TBC1D21: variants seen among roughly 807,000 people sequenced by gnomAD.
The protein encoded by TBC1D21 is male germ cell Rab GTPase-activating protein.
TBC1D21 carries 38 observed loss-of-function variants against 46.0 expected under a neutral mutation model. The observed-to-expected ratio is 0.83, with a 90% CI of 0.64 to 1.08. The LOEUF is 1.08. Ranked by LOEUF, TBC1D21 falls within the 50% of genes least tolerant of loss-of-function variation. The pLI is 0.00. For synonymous variants in TBC1D21, 151 were observed against 157.2 expected (o/e 0.96, Z 0.29); for missense variants, 415 against 417.9 (o/e 0.99, Z 0.06).
chr15:73,898,880 A>AAAAAAATATATAT, the TBC1D21 span, among the ~76,000 whole-genome samples: 10 of 56,776 alleles, frequency 1.8e-4, no homozygotes, highest in Non-Finnish European at 3.0e-4. Flanking sequence ...AAAAAAAAAA[A>AAAAAAATATATAT]ATATATATAT....
downstream of TBC1D21, among the ~76,000 whole-genome samples, chr15:73,894,185 TG>T (rs1176990141): frequency 6.6e-6 from 1 of 152,184 alleles, no homozygotes; most frequent in Non-Finnish European, 1.5e-5. Flanking sequence ...TATTGGCTCT[TG>T]GGCAGCTTCC....
At chr15:73,877,165 A>G (rs1595817906) in intron 1 of TBC1D21, among the ~76,000 whole-genome samples, 1 of 152,190 alleles carries the variant, frequency 6.6e-6, no homozygotes, top group South Asian at 2.1e-4. Context: ...TTGCTTTTTA[A>G]TGTTTACAGC....
chr15:73,889,818 C>T (rs1478407290), downstream of TBC1D21, among the ~76,000 whole-genome samples: 1 of 152,252 alleles, frequency 6.6e-6, no homozygotes, highest in African/African-American at 2.4e-5. Context: ...CAGTCAGTTG[C>T]TCTGTGAGGA....
intron 9 of TBC1D21, among the ~76,000 whole-genome samples, chr15:73,888,010 C>T (rs781703956): frequency 2.5e-4 from 38 of 152,350 alleles, no homozygotes; most frequent in Non-Finnish European, 4.7e-4. Flanking sequence ...GCCTTGAACA[C>T]TCCCTAACTA....
intron 1 of TBC1D21, among the ~76,000 whole-genome samples, chr15:73,879,551 G>A (rs1209972815): frequency 1.3e-5 from 2 of 151,992 alleles, no homozygotes; most frequent in African/African-American, 4.8e-5. Context: ...TACTCATGTG[G>A]TTTGTGGACT....
intron 1 of TBC1D21, among the ~76,000 whole-genome samples, chr15:73,874,484 C>G (rs2141539747): frequency 6.6e-6 from 1 of 152,334 alleles, no homozygotes; most frequent in South Asian, 2.1e-4. Context: ...CATTCATTCT[C>G]ATCACAACTC....
Position 73,888,468 on chromosome 15 carries a change from G to A in TBC1D21, c.933G>A (p.Leu311=). The part of the protein sequence containing the change: ...NNLIDLDADE[L]ISAACVVYAE... Reference sequence around the variant, plus strand: ...TCATCGACCTTGATGCTGATGAGCTGATCTCTGCCGCCTGCGTGGTTTATG... The same window carrying A: ...TCATCGACCTTGATGCTGATGAGCTAATCTCTGCCGCCTGCGTGGTTTATG... The change falls in exon 10 of 11, where the codon CTG becomes CTA. Residue 311 remains leucine, a synonymous_variant. Transcript: ENST00000300504. The A allele has an allele frequency of 6.2e-7, 1 of 1,614,068 alleles. No homozygotes were observed. Among genetic ancestry groups the A allele is most frequent in the Non-Finnish European group, 8.5e-7 (1 of 1,179,984 alleles).
chr15:73,899,174 C>T, the TBC1D21 span, among the ~76,000 whole-genome samples: 1 of 151,946 alleles, frequency 6.6e-6, no homozygotes, highest in African/African-American at 2.4e-5. Context: ...CTGAAGTAGC[C>T]GTGGCCGAGA....
At chr15:73,874,697 T>G (rs958540955) in intron 1 of TBC1D21, among the ~76,000 whole-genome samples, 13 of 135,036 alleles carry the variant, frequency 9.6e-5, no homozygotes, top group Admixed American at 5.7e-4. Flanking sequence ...CTTGTAAGAA[T>G]GCAGACTCTT....
intron 6 of TBC1D21, among the ~76,000 whole-genome samples, 198 bp downstream of exon 6, chr15:73,885,301 G>A (rs2068225039): frequency 1.3e-5 from 2 of 152,186 alleles, no homozygotes; most frequent in South Asian, 4.1e-4. Flanking sequence ...GTGGAGAAGG[G>A]GGATGGAGCA....
At chr15:73,877,505 C>A (rs1379867422) in intron 1 of TBC1D21, among the ~76,000 whole-genome samples, 2 of 86,100 alleles carry the variant, frequency 2.3e-5, no homozygotes, top group East Asian at 5.9e-4. Context: ...ACAAACACTT[C>A]CAGAAAACTA....
chr15:73,882,402 C>T (rs1319623027), intron 3 of TBC1D21, among the ~76,000 whole-genome samples: 1 of 152,170 alleles, frequency 6.6e-6, no homozygotes, highest in Non-Finnish European at 1.5e-5. Context: ...GCACAGACCA[C>T]GTTTGCACTC....
At chr15:73,895,443 T>C in the TBC1D21 span, among the ~76,000 whole-genome samples, 2 of 152,182 alleles carry the variant, frequency 1.3e-5, no homozygotes. Flanking sequence ...CCTCCCATCT[T>C]AGAGCCCTTC....
intron 7 of TBC1D21, 34 bp downstream of exon 7, chr15:73,886,208 C>G (rs537307415): frequency 1.5e-5 from 24 of 1,574,302 alleles, no homozygotes; most frequent in Middle Eastern, 1.7e-4. Context: ...ACCTCACGCA[C>G]CCCCCAGGCA....
the TBC1D21 span, among the ~76,000 whole-genome samples, chr15:73,905,854 C>G: frequency 9.8e-4 from 149 of 152,300 alleles, 1 homozygote; most frequent in African/African-American, 3.4e-3. Context: ...AACTGAGCAG[C>G]ATAGGACCAA....
the TBC1D21 span, among the ~76,000 whole-genome samples, chr15:73,898,880 A>AAAAAAAAAAAAAAATAT: frequency 3.5e-5 from 2 of 56,776 alleles, no homozygotes; most frequent in East Asian, 7.3e-4. Flanking sequence ...AAAAAAAAAA[A>AAAAAAAAAAAAAAATAT]ATATATATAT....
At chr15:73,903,919 A>G in the TBC1D21 span, among the ~76,000 whole-genome samples, 2 of 152,186 alleles carry the variant, frequency 1.3e-5, no homozygotes, top group Non-Finnish European at 2.9e-5. Flanking sequence ...GTGGTGGTGT[A>G]TGCCTGTAGT....
downstream of TBC1D21, among the ~76,000 whole-genome samples, chr15:73,890,884 C>A (rs542077203): frequency 6.6e-6 from 1 of 152,146 alleles, no homozygotes; most frequent in Non-Finnish European, 1.5e-5. Context: ...CTCAAGCCCC[C>A]CTCCTTGAAC....
the TBC1D21 span, among the ~76,000 whole-genome samples, chr15:73,895,508 A>G: frequency 2.0e-4 from 31 of 152,332 alleles, no homozygotes; most frequent in East Asian, 6.0e-3. Flanking sequence ...CCGGCACATA[A>G]AAGAATTTCT....
Sources: allele counts gnomAD v4.1 joint callset (sites outside exome capture counted in the v4.1 genomes callset), GRCh38; gene constraint gnomAD v4.1.1; transcripts MANE v1.5; gene names NCBI Gene and HGNC (gene_info 2026-07-23, HGNC 2026-07-21).